The following MBOAT2 variants were observed in gnomAD, a reference collection of about 807,000 sequenced individuals.
MBOAT2 encodes membrane bound glycerophospholipid O-acyltransferase 2, also known as membrane-bound glycerophospholipid O-acyltransferase 2.
In MBOAT2, 28 loss-of-function variants were observed where a neutral mutation model predicts 63.4. That is an observed-to-expected ratio of 0.44 (90% confidence interval 0.33 to 0.61). MBOAT2 has a LOEUF of 0.61. MBOAT2 is among the 20% of genes least tolerant of loss of function. MBOAT2 has a pLI of 0.03. For missense variants in MBOAT2, 470 were observed against 605.8 expected, an observed-to-expected ratio of 0.78 and a Z score of 2.35; for synonymous variants, 211 against 215.6, an observed-to-expected ratio of 0.98 and a Z score of 0.19.
At position 9,002,073 on chromosome 2, in the gene MBOAT2, C is replaced by T. The variant is rs567522032; in HGVS notation, c.75+1467G>A. Among the ~76,000 whole-genome samples, 1,043 of 152,242 alleles carry T rather than the reference C, an allele frequency of 6.9e-3. 17 individuals carry two copies. The highest frequency in any genetic ancestry group is 0.024 in the African/African-American group (1,000 of 41,532). ...ACACTGCACACCAGTGTGGAAATGT[C>T]AGCAAGAATCCTCCGCGGGGCCGGG... On this transcript the variant is annotated intron_variant, in intron 1 of 12. Transcript: ENST00000305997.
rs547404955 is a variant in MBOAT2, at chr2:8,867,891, G to A, written c.987+555C>T. ...ACTTGGCTACACATATAATCCATCCGCAGTGCCCCATTGCTCTTATAAGAA... is the reference window on the plus strand; with the variant it reads ...ACTTGGCTACACATATAATCCATCCACAGTGCCCCATTGCTCTTATAAGAA... On this transcript the variant is annotated intron_variant, in intron 9 of 12. Coordinates refer to ENST00000305997, the MANE Select transcript of MBOAT2 (RefSeq NM_138799.4). Among the ~76,000 whole-genome samples, 13 of 152,222 alleles carry A rather than the reference G, an allele frequency of 8.5e-5. No individual in the cohort carries two copies. In the South Asian group the frequency reaches 1.9e-3, roughly 22 times the overall value.
At position 8,853,663 on chromosome 2, in the gene MBOAT2, G is replaced by A. The variant is rs746506739; in HGVS notation, c.*5016C>T. On this transcript the variant is annotated 3_prime_UTR_variant, in exon 13 of 13. Coordinates refer to ENST00000305997, the MANE Select transcript of MBOAT2 (RefSeq NM_138799.4). Reference sequence around the variant, plus strand: ...TTTAGTGTGTGATTTGATAAAACATGGCTGGAGATGGCTATGAATCGCTGA... The same window carrying A: ...TTTAGTGTGTGATTTGATAAAACATAGCTGGAGATGGCTATGAATCGCTGA... 6.6e-6 allele frequency: 1 copy of A among 152,198 alleles called. No homozygotes were observed. 9.4% of individuals were successfully genotyped at this position (152,198 alleles called of 1,614,324 possible).
chr2:8,913,547 T>C (rs1449477370), intron 3 of MBOAT2, among the ~76,000 whole-genome samples: 3 of 151,996 alleles, frequency 2.0e-5, no homozygotes, highest in Non-Finnish European at 4.4e-5. Flanking sequence ...CAAAAGAAGA[T>C]ATACAAATGG....
intron 4 of MBOAT2, among the ~76,000 whole-genome samples, chr2:8,898,307 G>A (rs1298622871): frequency 1.3e-5 from 2 of 152,058 alleles, no homozygotes; most frequent in Non-Finnish European, 2.9e-5. Flanking sequence ...GTATAGAGGG[G>A]CCTGGCTATC....
At chr2:8,997,875 T>G (rs890673331) in intron 1 of MBOAT2, among the ~76,000 whole-genome samples, 3 of 152,202 alleles carry the variant, frequency 2.0e-5, no homozygotes, top group Admixed American at 2.0e-4. Flanking sequence ...ATGAAGGACA[T>G]GGAATACAGG....
intron 3 of MBOAT2, among the ~76,000 whole-genome samples, chr2:8,935,524 A>G (rs1667597660): frequency 6.6e-6 from 1 of 152,242 alleles, no homozygotes; most frequent in African/African-American, 2.4e-5. Flanking sequence ...TTAACATCAC[A>G]TAATCAGGAG....
chr2:8,940,040 T>C (rs1239490201), intron 3 of MBOAT2, among the ~76,000 whole-genome samples: 1 of 151,870 alleles, frequency 6.6e-6, no homozygotes, highest in Non-Finnish European at 1.5e-5. Flanking sequence ...GTTTTCCAGC[T>C]ACACGTCCTC....
intron 8 of MBOAT2, among the ~76,000 whole-genome samples, chr2:8,872,817 C>T (rs1424066175): frequency 6.6e-6 from 1 of 152,206 alleles, no homozygotes; most frequent in Non-Finnish European, 1.5e-5. Flanking sequence ...ATGTCTTATA[C>T]ATACTCGTAT....
intron 1 of MBOAT2, among the ~76,000 whole-genome samples, chr2:8,977,561 A>G (rs2103327198): frequency 6.6e-6 from 1 of 152,266 alleles, no homozygotes; most frequent in East Asian, 1.9e-4. Context: ...TCTCAGTTTA[A>G]GGAAGTAAAC....
intron 10 of MBOAT2, 96 bp downstream of exon 10, chr2:8,864,074 C>T: frequency 2.4e-6 from 2 of 823,502 alleles, no homozygotes; most frequent in East Asian, 2.8e-5. Flanking sequence ...TGTCACTCAA[C>T]ACCGTTAATT....
At chr2:8,999,268 C>G (rs1473654990) in intron 1 of MBOAT2, among the ~76,000 whole-genome samples, 4 of 152,152 alleles carry the variant, frequency 2.6e-5, no homozygotes, top group Admixed American at 2.6e-4. Context: ...AGTATGCCAT[C>G]CTGGATATCA....
chr2:8,956,310 C>T (rs1458178931), intron 2 of MBOAT2, among the ~76,000 whole-genome samples: 1 of 152,138 alleles, frequency 6.6e-6, no homozygotes, highest in East Asian at 1.9e-4. Context: ...TTATCTTACA[C>T]ATGGTACAGA....
rs1306488611 is a variant in MBOAT2 at position 8,853,782 on chromosome 2, A to G, written c.*4897T>C. The G allele has an allele frequency of 1.3e-5, 2 of 152,184 alleles. No homozygotes were observed. The highest frequency in any genetic ancestry group is 4.8e-5 in the African/African-American group (2 of 41,436). The allele number at this position is 152,184 out of a possible 1,614,324, so 9.4% of individuals were successfully genotyped here. On this transcript the variant is annotated 3_prime_UTR_variant, in exon 13 of 13. Coordinates refer to ENST00000305997, the MANE Select transcript of MBOAT2 (RefSeq NM_138799.4). ...TGTATTTTTTCTTTATAAAAGTTGT[A>G]CTTAAAGAAGAGTTATAATCAGTTT... is the stretch of plus-strand genomic sequence containing the variant.
intron 9 of MBOAT2, among the ~76,000 whole-genome samples, chr2:8,866,682 T>A (rs1661918927): frequency 6.6e-6 from 1 of 152,222 alleles, no homozygotes; most frequent in African/African-American, 2.4e-5. Context: ...GTTTGGTCAA[T>A]CAGCATCCCA....
At chr2:8,959,621 C>T (rs574686165) in intron 1 of MBOAT2, among the ~76,000 whole-genome samples, 14 of 152,134 alleles carry the variant, frequency 9.2e-5, no homozygotes, top group Admixed American at 7.2e-4. Context: ...ACCACCATGC[C>T]GAGCTAATCT....
intron 12 of MBOAT2, among the ~76,000 whole-genome samples, chr2:8,859,282 A>T (rs922131649): frequency 6.6e-6 from 1 of 152,212 alleles, no homozygotes; most frequent in Non-Finnish European, 1.5e-5. Flanking sequence ...GGAGATAGTT[A>T]AGACTTTTAC....
chr2:8,893,161 G>A (rs1267420062), intron 4 of MBOAT2, among the ~76,000 whole-genome samples: 2 of 151,448 alleles, frequency 1.3e-5, no homozygotes, highest in East Asian at 3.9e-4. Context: ...CAGCACAGGA[G>A]GTCTGAAGTC....
intron 1 of MBOAT2, among the ~76,000 whole-genome samples, chr2:8,982,349 A>G (rs1671255718): frequency 6.6e-6 from 1 of 152,142 alleles, no homozygotes; most frequent in South Asian, 2.1e-4. Context: ...TTCTTAAGGT[A>G]TGTTAGAAAC....
chr2:8,878,145 G>A (rs553315496), intron 6 of MBOAT2, among the ~76,000 whole-genome samples: 11 of 152,194 alleles, frequency 7.2e-5, no homozygotes, highest in Non-Finnish European at 1.6e-4. Flanking sequence ...TGAAGGCTGC[G>A]GAGGGATTGG....
Sources: gnomAD v4.1 joint callset for allele counts (sites outside exome capture counted in the v4.1 genomes callset) on GRCh38, gnomAD v4.1.1 for gene constraint, MANE v1.5 for transcripts, NCBI Gene and HGNC (gene_info 2026-07-23, HGNC 2026-07-21) for gene names.